Variants in LTN1 observed in about 807,000 individuals in gnomAD.
LTN1 encodes E3 ubiquitin-protein ligase listerin.
Under a neutral mutation model 201.2 loss-of-function variants are expected in LTN1, and 88 were observed. The observed-to-expected ratio is 0.44, with a 90% CI of 0.37 to 0.52. The LOEUF is 0.52. Among genes scored for constraint, LTN1 ranks in the 20% least tolerant of loss-of-function variants. LTN1 has a pLI of 0.00. For synonymous variants in LTN1, 645 were observed against 713.5 expected, an observed-to-expected ratio of 0.90 and a Z score of 1.53; for missense variants, 1,752 against 2,038.7, an observed-to-expected ratio of 0.86 and a Z score of 2.71.
rs1364098960 is a variant in LTN1 at position 28,928,388 on chromosome 21, A to T, written c.*2060T>A. The T allele has an allele frequency of 1.3e-5, 2 of 152,444 alleles. No individual in the cohort carries two copies. Among genetic ancestry groups the T allele is most frequent in the African/African-American group, 4.8e-5 (2 of 41,458 alleles). 9.4% of individuals were successfully genotyped at this position (152,444 alleles called of 1,614,324 possible). A position where few individuals can be genotyped will look rare whatever the true frequency, so the allele number is the denominator to read the frequency against. ...AAGCCACAGACACTTATGTACATACATTGGAGCATGTGATAAAAGAGTCAA... is the reference window on the plus strand; with the variant it reads ...AAGCCACAGACACTTATGTACATACTTTGGAGCATGTGATAAAAGAGTCAA... On this transcript the variant is annotated 3_prime_UTR_variant, in exon 30 of 30. Transcript: ENST00000361371.
At position 28,953,317 on chromosome 21, in the gene LTN1, GA is replaced by G; in HGVS notation, c.3138del (p.Leu1047Ter). Reference sequence around the variant, plus strand: ...TGAAGTATTTCACAAAATCCAATTAGAAAAATAGGTGGGTTATCTAATTCTT... The same window carrying G: ...TGAAGTATTTCACAAAATCCAATTAGAAAATAGGTGGGTTATCTAATTCTT... ...WCEELDNPPI[F>X]LIGFCEILQK... On this transcript the variant is annotated frameshift_variant, in exon 17 of 30. Transcript: ENST00000361371. LOFTEE classifies it high-confidence loss of function. 1 of 1,607,058 alleles carries G rather than the reference GA, an allele frequency of 6.2e-7. No homozygotes were observed. The highest frequency in any genetic ancestry group is 8.5e-7 in the Non-Finnish European group (1 of 1,178,058).
intron 18 of LTN1, among the ~76,000 whole-genome samples, chr21:28,951,087 G>T (rs1246458460): frequency 6.8e-6 from 1 of 147,092 alleles, no homozygotes; most frequent in Admixed American, 6.8e-5. Flanking sequence ...CTGTATCAAT[G>T]CCTTTTCCTT....
chr21:28,940,328 T>G (rs1194068217), intron 25 of LTN1, among the ~76,000 whole-genome samples: 1 of 152,248 alleles, frequency 6.6e-6, no homozygotes, highest in Non-Finnish European at 1.5e-5. Context: ...AGAGAGATCT[T>G]TCCAGTTTCT....
At chr21:28,957,192 G>A (rs2084432581) in intron 15 of LTN1, 140 bp downstream of exon 15, 1 of 841,362 alleles carries the variant, frequency 1.2e-6, no homozygotes, top group South Asian at 2.0e-5. Flanking sequence ...CAAACATCCA[G>A]TATATGAGCA....
rs2084336292 is a variant in LTN1 at position 28,946,205 on chromosome 21, TA to T, written c.3569del (p.Leu1190Ter). 1.9e-6 allele frequency: 3 copies of T among 1,589,484 alleles called. No individual in the cohort carries two copies. Among genetic ancestry groups the T allele is most frequent in the Non-Finnish European group, 2.6e-6 (3 of 1,169,000 alleles). ...CTTTCTTCCAGGATATTATGATTTT[TA>T]ATATTCCATGTAATAGCTCTCCATC... ...IDDGELLHGI[L>X]KIIISWKKEH... is the part of the protein sequence containing the mutation. On this transcript the variant is annotated frameshift_variant, in exon 20 of 30. Transcript: ENST00000361371. LOFTEE classifies it high-confidence loss of function.
intron 6 of LTN1, among the ~76,000 whole-genome samples, chr21:28,973,346 CAAAAAAAAAAAAA>C (rs771261669): frequency 6.5e-5 from 4 of 61,772 alleles, no homozygotes; most frequent in Non-Finnish European, 9.8e-5. Context: ...GAATCCGTCC[CAAAAAAAAAAAAA>C]AAAAAAAAAG....
rs201581287 is a variant in LTN1, at chr21:28,984,640, C to T, written c.576+52G>A. Reference sequence around the variant, plus strand: ...AAAAGAGCTGTCATTATGCTTATAACCCTTAAATACTTAAAAAAAAAAAAT... The same window carrying T: ...AAAAGAGCTGTCATTATGCTTATAATCCTTAAATACTTAAAAAAAAAAAAT... On this transcript the variant is annotated intron_variant, in intron 4 of 29. Coordinates refer to ENST00000361371, the MANE Select transcript of LTN1 (RefSeq NM_015565.3). 22 of 1,342,454 alleles carry T rather than the reference C, an allele frequency of 1.6e-5. No individual in the cohort carries two copies. In the East Asian group the frequency reaches 3.0e-4, roughly 19 times the overall value. The allele number at this position is 1,342,454 out of a possible 1,614,324, so 83.2% of individuals were successfully genotyped here.
At chr21:28,946,338 T>C (rs768749241) in intron 19 of LTN1, 51 bp from the exon 20 acceptor site, 48 of 1,265,762 alleles carry the variant, frequency 3.8e-5, no homozygotes, top group Non-Finnish European at 5.1e-5. Context: ...ACTATATCGC[T>C]ACTATTAAAA....
At chr21:28,930,721 A>G (rs941652366) in intron 29 of LTN1, among the ~76,000 whole-genome samples, 5 of 152,256 alleles carry the variant, frequency 3.3e-5, no homozygotes, top group African/African-American at 1.2e-4. Flanking sequence ...ACTTAGGCTC[A>G]TGCACACAAT....
Position 28,966,561 on chromosome 21 carries a change from C to G in LTN1, c.1930G>C (p.Ala644Pro). The G allele has an allele frequency of 1.2e-6, 2 of 1,614,086 alleles. No individual in the cohort carries two copies. Among genetic ancestry groups the G allele is most frequent in the South Asian group, 1.1e-5 (1 of 91,082 alleles). Residue 644 changes from alanine to proline, a missense_variant, in exon 10 of 30, where the codon GCC (alanine) becomes CCC (proline). Ala to Pro is a conservative substitution (Grantham distance 27). Transcript: ENST00000361371. ...AGCTTGGCTATTTCAAGAGGTTTGG[C>G]TTGGACAATACTCTGTTTTTCATCA... ...LGDEKQSIVQAKPLEIAKLVQ... is the reference protein window; with the variant it reads ...LGDEKQSIVQPKPLEIAKLVQ...
intron 16 of LTN1, among the ~76,000 whole-genome samples, chr21:28,956,084 T>C (rs1482908325): frequency 6.6e-6 from 1 of 151,928 alleles, no homozygotes; most frequent in Non-Finnish European, 1.5e-5. Flanking sequence ...CTCATGAAGA[T>C]AGAATAGTAT....
chr21:28,975,697 A>T (rs1419105696), intron 6 of LTN1, among the ~76,000 whole-genome samples: 2 of 152,232 alleles, frequency 1.3e-5, no homozygotes, highest in African/African-American at 4.8e-5. Context: ...ACCCAGGAGA[A>T]TGACCTAAAT....
Position 28,984,940 on chromosome 21 carries a change from G to A in LTN1, c.346-18C>T, listed in dbSNP as rs1376378716. ...TCATGATCCTATTAAAAATATAAAT[G>A]TGATTTAAAATAGCTCTAGCCCATA... On this transcript the variant is annotated intron_variant, in intron 3 of 29. Transcript: ENST00000361371. 6 of 1,574,830 alleles carry A rather than the reference G, an allele frequency of 3.8e-6. No homozygotes were observed. Among genetic ancestry groups the A allele is most frequent in the Non-Finnish European group, 5.2e-6 (6 of 1,149,754 alleles).
rs1448889159 is a variant in LTN1, at chr21:28,944,451, C to T, written c.3914G>A (p.Ser1305Asn). The stretch of plus-strand genomic sequence containing the variant: ...TTGGGAAAAAAATTCTTTCCATTCA[C>T]TGATTAGATTTACAGGAAGATTGCC... The part of the protein sequence containing the change: ...TIGNLPVNLI[S>N]EWKEFFSQGI... Residue 1305 changes from serine to asparagine, a missense_variant, in exon 22 of 30, where the codon AGT (serine) becomes AAT (asparagine). Around this residue, in one of 3 missense-constraint regions of LTN1, gnomAD observed 1,211 missense variants for 1,312.8 expected, o/e 0.92. Coordinates refer to ENST00000361371, the MANE Select transcript of LTN1 (RefSeq NM_015565.3). The T allele has an allele frequency of 6.2e-7, 1 of 1,613,994 alleles. No homozygotes were observed. The highest frequency in any genetic ancestry group is 1.3e-5 in the African/African-American group (1 of 75,030).
Position 28,947,408 on chromosome 21 carries a change from T to A in LTN1, c.3487+56A>T, listed in dbSNP as rs373337698. The A allele has an allele frequency of 1.8e-5, 25 of 1,368,716 alleles. 2 individuals are homozygous for A. The South Asian group carries it at 3.3e-4, about 18-fold the overall frequency. The allele number at this position is 1,368,716 out of a possible 1,614,324, so 84.8% of individuals were successfully genotyped here. On this transcript the variant is annotated intron_variant, in intron 19 of 29. Coordinates refer to ENST00000361371, the MANE Select transcript of LTN1 (RefSeq NM_015565.3). Reference sequence around the variant, plus strand: ...ATGTGGTCTTATATATTAGAAACAGTTCTTCATCTCAAGCAATAATTAAAT... The same window carrying A: ...ATGTGGTCTTATATATTAGAAACAGATCTTCATCTCAAGCAATAATTAAAT...
At chr21:28,972,036 C>A (rs1408321660) in intron 6 of LTN1, among the ~76,000 whole-genome samples, 2 of 152,108 alleles carry the variant, frequency 1.3e-5, no homozygotes, top group African/African-American at 2.4e-5. Context: ...ACTTAATCAC[C>A]AGTGTGATAG....
At chr21:28,958,592 C>T (rs2146288030) in intron 13 of LTN1, 53 bp from the exon 14 acceptor site, 3 of 1,340,738 alleles carry the variant, frequency 2.2e-6, no homozygotes, top group Non-Finnish European at 3.1e-6. Flanking sequence ...TAACTCTCAT[C>T]AGCACAAAAT....
chr21:28,988,160 C>CA lies in LTN1; in HGVS notation c.43-1227dup, dbSNP rs938375158. Among the ~76,000 whole-genome samples, 16 of 115,528 alleles carry CA rather than the reference C, an allele frequency of 1.4e-4. No individual in the cohort carries two copies. The East Asian group carries it at 2.0e-3, about 14-fold the overall frequency. 75.8% of individuals were successfully genotyped at this position (115,528 alleles called of 152,430 possible). On this transcript the variant is annotated intron_variant, in intron 1 of 29. Transcript: ENST00000361371. ...CTGTCTCAAAAAAAAAAAAAAACAACAAAAAAAAACAAATTGCTCATACCG... is the reference window on the plus strand; with the variant it reads ...CTGTCTCAAAAAAAAAAAAAAACAACAAAAAAAAAACAAATTGCTCATACCG...
At chr21:28,937,588 T>C (rs922932717) in intron 25 of LTN1, among the ~76,000 whole-genome samples, 3 of 152,204 alleles carry the variant, frequency 2.0e-5, no homozygotes, top group African/African-American at 7.2e-5. Context: ...GGATTTGGAA[T>C]TGATTTTTAA....
Sources: allele counts gnomAD v4.1 joint callset (sites outside exome capture counted in the v4.1 genomes callset), GRCh38; gene constraint gnomAD v4.1.1; regional missense constraint gnomAD v4.1.1; transcripts MANE v1.5; gene names NCBI Gene and HGNC (gene_info 2026-07-23, HGNC 2026-07-21).